The following FAAH2 variants were observed in gnomAD, a reference collection of about 807,000 sequenced individuals.
The protein encoded by FAAH2 is fatty-acid amide hydrolase 2.
A neutral mutation model predicts 36.9 loss-of-function variants in FAAH2; 60 were observed. The ratio of observed to expected loss-of-function variants is 1.63; its 90% CI spans 1.32 to 2.02. FAAH2 has a LOEUF of 2.02. Ranked by LOEUF, FAAH2 falls within the 30% of genes most tolerant of loss-of-function variation. The probability of loss-of-function intolerance (pLI) is 0.00; values close to 1 mark genes in which losing one functional copy is unlikely to be tolerated. For missense variants in FAAH2, 689 were observed against 397.5 expected, an observed-to-expected ratio of 1.73 and a Z score of -6.23; for synonymous variants, 214 against 143.8, an observed-to-expected ratio of 1.49 and a Z score of -3.49.
intron 7 of FAAH2, among the ~76,000 whole-genome samples, chrX:57,412,980 A>G (rs1443025983): frequency 2.7e-5 from 3 of 112,501 alleles, no homozygotes; most frequent in Non-Finnish European, 5.6e-5. Context: ...ACCAGTAATG[A>G]CGAGCTTTTT....
Position 57,408,922 on chromosome X carries a change from G to C in FAAH2, c.997-22996G>C, listed in dbSNP as rs183432533. 7.1e-4 allele frequency among the ~76,000 whole-genome samples: 79 copies of C among 111,263 alleles called. 1 individual carries two copies. In the Admixed American group the frequency reaches 7.4e-3, roughly 10 times the overall value. On this transcript the variant is annotated intron_variant, in intron 7 of 10. Coordinates refer to ENST00000374900, the MANE Select transcript of FAAH2 (RefSeq NM_174912.4). ...CCCTTAACTATGGGATACATTTGTA[G>C]AAATGCATTGTTAGACGATTTTGTT...
intron 10 of FAAH2, among the ~76,000 whole-genome samples, chrX:57,486,973 CTT>C (rs745871668): frequency 8.1e-5 from 9 of 111,611 alleles, no homozygotes; most frequent in Admixed American, 1.9e-4. Context: ...ACATCACTCT[CTT>C]TACTTTCCTC....
At chrX:57,260,114 A>G in the FAAH2 span, among the ~76,000 whole-genome samples, 12 of 111,792 alleles carry the variant, frequency 1.1e-4, no homozygotes, top group African/African-American at 3.9e-4. Flanking sequence ...TTTTTACTTT[A>G]AAAACCCTTC....
At chrX:57,197,779 G>A in the FAAH2 span, among the ~76,000 whole-genome samples, 1 of 111,872 alleles carries the variant, frequency 8.9e-6, no homozygotes, top group Non-Finnish European at 1.9e-5. Context: ...AGTGAAGGTA[G>A]CAGGGAAGTG....
At chrX:57,399,051 G>A (rs1230952456) in intron 7 of FAAH2, among the ~76,000 whole-genome samples, 10 of 111,385 alleles carry the variant, frequency 9.0e-5, no homozygotes, top group Non-Finnish European at 1.1e-4. Flanking sequence ...CTAGCAGGCC[G>A]GTCCAGGAAT....
upstream of FAAH2, among the ~76,000 whole-genome samples, chrX:57,282,220 C>T: frequency 8.9e-6 from 1 of 112,034 alleles, no homozygotes; most frequent in Non-Finnish European, 1.9e-5. Flanking sequence ...TGTACAACCT[C>T]ACCAGCATGT....
intron 8 of FAAH2, among the ~76,000 whole-genome samples, chrX:57,442,850 A>C (rs1466990948): frequency 9.0e-6 from 1 of 110,778 alleles, no homozygotes; most frequent in East Asian, 2.8e-4. Flanking sequence ...AAAGGATTTC[A>C]TTTCTCCTTC....
chrX:57,287,479 A>G (rs1415207059), intron 1 of FAAH2, among the ~76,000 whole-genome samples: 1 of 111,947 alleles, frequency 8.9e-6, no homozygotes, highest in Non-Finnish European at 1.9e-5. Context: ...CTAGGATAGT[A>G]AAAGCTGCGT....
chrX:57,432,924 C>A (rs890227225), intron 8 of FAAH2, among the ~76,000 whole-genome samples: 1 of 107,521 alleles, frequency 9.3e-6, no homozygotes, highest in Non-Finnish European at 1.9e-5. Context: ...ATCTCACATA[C>A]AATAGCCCTT....
At chrX:57,382,597 A>T (rs1292933338) in intron 7 of FAAH2, among the ~76,000 whole-genome samples, 1 of 111,854 alleles carries the variant, frequency 8.9e-6, no homozygotes, top group Non-Finnish European at 1.9e-5. Context: ...AAATTCCTGG[A>T]CACATACACC....
chrX:57,424,275 T>C (rs953838105), intron 7 of FAAH2, among the ~76,000 whole-genome samples: 3 of 112,110 alleles, frequency 2.7e-5, no homozygotes, highest in African/African-American at 9.7e-5. Flanking sequence ...TTACCCCATC[T>C]CTGGGGCTGA....
At chrX:57,477,754 C>T (rs1204593156) in intron 10 of FAAH2, among the ~76,000 whole-genome samples, 2 of 109,593 alleles carry the variant, frequency 1.8e-5, no homozygotes, top group Non-Finnish European at 3.8e-5. Context: ...GTTTTCTGTC[C>T]TTCCAATAGT....
At chrX:57,403,326 G>T (rs1344628640) in intron 7 of FAAH2, among the ~76,000 whole-genome samples, 1 of 112,236 alleles carries the variant, frequency 8.9e-6, no homozygotes, top group Non-Finnish European at 1.9e-5. Context: ...CTGCTTATTG[G>T]ATTAGTTACG....
intron 7 of FAAH2, among the ~76,000 whole-genome samples, chrX:57,395,793 A>G (rs779834019): frequency 8.9e-6 from 1 of 111,943 alleles, no homozygotes; most frequent in Admixed American, 9.5e-5. Context: ...TGCACCAGGT[A>G]TGTTAGCTTG....
intron 8 of FAAH2, among the ~76,000 whole-genome samples, chrX:57,440,934 G>A (rs1224572971): frequency 9.0e-6 from 1 of 111,476 alleles, no homozygotes; most frequent in Non-Finnish European, 1.9e-5. Flanking sequence ...AAGCAGTGTT[G>A]CATCCGAGGG....
intron 3 of FAAH2, among the ~76,000 whole-genome samples, chrX:57,318,580 T>A (rs972909673): frequency 1.2e-4 from 13 of 111,870 alleles, no homozygotes; most frequent in Non-Finnish European, 3.8e-5. Context: ...ACAGCCAAAT[T>A]CTACCAGAGG....
At chrX:57,476,261 C>A (rs768403584) in intron 10 of FAAH2, among the ~76,000 whole-genome samples, 1 of 111,008 alleles carries the variant, frequency 9.0e-6, no homozygotes, top group Non-Finnish European at 1.9e-5. Flanking sequence ...GAGAGGGCAT[C>A]CTTGTCTTCT....
chrX:57,464,304 T>C (rs1286107463), intron 10 of FAAH2, among the ~76,000 whole-genome samples: 7 of 110,732 alleles, frequency 6.3e-5, no homozygotes, highest in African/African-American at 2.3e-4. Flanking sequence ...ATACCTAATG[T>C]ATGCGGGGCT....
In FAAH2 at chrX:57,380,933, A is replaced by T. The variant is rs1393728566; in HGVS notation, c.900A>T (p.Val300=). The stretch of plus-strand genomic sequence containing the variant: ...ACAGGTTAAAACTAGACACAAAGGT[A>T]CATTTAAAAGACTTAAAATTTTACT... The part of the protein sequence containing the change: ...GIKRLKLDTK[V]HLKDLKFYWM... Residue 300 remains valine (V), a synonymous_variant, in exon 7 of 11, where the codon GTA becomes GTT. Transcript: ENST00000374900. 3 of 1,189,918 alleles carry T rather than the reference A, an allele frequency of 2.5e-6. No homozygotes were observed. The highest frequency in any genetic ancestry group is 3.4e-6 in the Non-Finnish European group (3 of 882,477).
Sources: allele counts gnomAD v4.1 joint callset (sites outside exome capture counted in the v4.1 genomes callset), GRCh38; gene constraint gnomAD v4.1.1; transcripts MANE v1.5; gene names NCBI Gene and HGNC (gene_info 2026-07-23, HGNC 2026-07-21).